CHD5: variants seen among roughly 807,000 people sequenced by gnomAD.
The protein encoded by CHD5 is chromodomain helicase DNA binding protein 5, also known as ATP-dependent chromatin remodeler CHD5.
In CHD5, 69 loss-of-function variants were observed where a neutral mutation model predicts 230.3. The observed-to-expected ratio is 0.30, with a 90% confidence interval of 0.25 to 0.37. The LOEUF (loss-of-function observed/expected upper bound fraction) is 0.37, where lower values mean the gene tolerates loss of function less well. Ranked by LOEUF, CHD5 falls within the 10% of genes least tolerant of loss-of-function variation. The pLI is 1.00. For synonymous variants in CHD5, 1,064 were observed against 1,065.9 expected (o/e 1.00, Z 0.03); for missense variants, 1,827 against 2,622.8 (o/e 0.70, Z 6.63).
chr1:6,177,543 C>A (rs1667445033), intron 1 of CHD5, among the ~76,000 whole-genome samples: 2 of 152,174 alleles, frequency 1.3e-5, no homozygotes, highest in South Asian at 4.1e-4. Flanking sequence ...AGCATGTAGT[C>A]CCAGCTACTA....
chr1:6,110,609 G>C, intron 36 of CHD5, 83 bp from the exon 37 acceptor site: 3 of 1,384,254 alleles, frequency 2.2e-6, no homozygotes, highest in Non-Finnish European at 9.9e-7. Flanking sequence ...AGGGGGAGGG[G>C]CCAGCCCGGG....
At chr1:6,152,130 A>G (rs894794523) in intron 6 of CHD5, among the ~76,000 whole-genome samples, 8 of 152,064 alleles carry the variant, frequency 5.3e-5, no homozygotes, top group Non-Finnish European at 1.2e-4. Context: ...AGGAGCCAGG[A>G]CTGAGCTCCC....
chr1:6,159,308 G>T (rs564008144), intron 3 of CHD5, 28 bp downstream of exon 3: 1 of 1,550,428 alleles, frequency 6.4e-7, no homozygotes, highest in African/African-American at 1.4e-5. Flanking sequence ...ATGTCGCTCT[G>T]TCCCCCCAGC....
chr1:6,143,997 C>A, intron 12 of CHD5, 27 bp downstream of exon 12: 1 of 1,614,094 alleles, frequency 6.2e-7, no homozygotes, highest in Admixed American at 1.7e-5. Context: ...GCAGCCTGTG[C>A]CTAGCAGCCG....
intron 36 of CHD5, among the ~76,000 whole-genome samples, chr1:6,111,039 G>C (rs1185969625): frequency 1.3e-5 from 2 of 148,510 alleles, no homozygotes; most frequent in African/African-American, 5.0e-5. Context: ...AGACCAGCCT[G>C]GCCAACAAGG....
chr1:6,125,671 G>A lies in CHD5; in HGVS notation c.4172-59C>T. 1.2e-6 allele frequency: 2 copies of A among 1,604,072 alleles called. No homozygotes were observed. Among genetic ancestry groups the A allele is most frequent in the East Asian group, 2.2e-5 (1 of 44,830 alleles). ...GAGCCCAGAGATTCCTGATCCCCAA[G>A]GACAGCGGGACCCCAGACCAGCCCC... On this transcript the variant is annotated intron_variant, in intron 27 of 41. Transcript: ENST00000262450. This position sits in a 1 kb window ranked among gnomAD's most constrained non-coding sequence, Gnocchi z 6.7.
At chr1:6,144,382 G>A (rs569448644) in intron 11 of CHD5, among the ~76,000 whole-genome samples, 1 of 152,308 alleles carries the variant, frequency 6.6e-6, no homozygotes, top group East Asian at 1.9e-4. Context: ...GAGGGACACG[G>A]AGGCCAGCTA....
rs1428242617 is a variant in CHD5, at chr1:6,130,618, G to A, written c.3263-290C>T. ...ACCCCAGATGAGCAAAAAACAAAGT[G>A]CAAGCCGCCAGCAAGTACAAGCAGA... On this transcript the variant is annotated intron_variant, in intron 21 of 41. Transcript: ENST00000262450. This position sits in a 1 kb window ranked among gnomAD's most constrained non-coding sequence, Gnocchi z 4.9. Among the ~76,000 whole-genome samples the A allele has an allele frequency of 6.6e-6, 1 of 152,158 alleles. No homozygotes were observed. Among genetic ancestry groups the A allele is most frequent in the Non-Finnish European group, 1.5e-5 (1 of 68,028 alleles).
chr1:6,107,823 T>G, intron 38 of CHD5, among the ~76,000 whole-genome samples: 1 of 97,324 alleles, frequency 1.0e-5, no homozygotes, highest in Non-Finnish European at 2.0e-5. Flanking sequence ...AATGGAGGGA[T>G]GGAGGGATGA....
At position 6,125,490 on chromosome 1, in the gene CHD5, G is replaced by C; in HGVS notation, c.4260+34C>G. 2 of 1,548,866 alleles carry C rather than the reference G, an allele frequency of 1.3e-6. No homozygotes were observed. The highest frequency in any genetic ancestry group is 1.7e-6 in the Non-Finnish European group (2 of 1,143,026). ...TACCCCAGGGGCAGCAGGAAGCAGG[G>C]GCAGAAAGAGATGCGGGAACAGACA... On this transcript the variant is annotated intron_variant, in intron 28 of 41. Coordinates refer to ENST00000262450, the MANE Select transcript of CHD5 (RefSeq NM_015557.3). The surrounding 1 kb of genome is among the most constrained non-coding windows in gnomAD (Gnocchi z 6.7).
Position 6,136,649 on chromosome 1 carries a change from G to T in CHD5, c.2575-11C>A, listed in dbSNP as rs771909781. ...TAAGACCCTAAAAAACTGAGGGGAG[G>T]AGAGTGGGGCCTGTCAGGGGGCTCT... On this transcript the variant is annotated splice_polypyrimidine_tract_variant and intron_variant, in intron 16 of 41. Transcript: ENST00000262450. 3.7e-6 allele frequency: 6 copies of T among 1,614,006 alleles called. No individual in the cohort carries two copies. Among genetic ancestry groups the T allele is most frequent in the Non-Finnish European group, 5.1e-6 (6 of 1,179,972 alleles).
chr1:6,136,462 C>A, intron 17 of CHD5, 55 bp downstream of exon 17: 2 of 1,600,372 alleles, frequency 1.2e-6, no homozygotes, highest in Non-Finnish European at 1.7e-6. Flanking sequence ...GATCCGTCTT[C>A]ACTGGGGCCA....
chr1:6,173,227 C>T (rs914837206), intron 1 of CHD5, among the ~76,000 whole-genome samples: 31 of 151,906 alleles, frequency 2.0e-4, no homozygotes, highest in African/African-American at 7.3e-4. Context: ...GCCTCAGCCT[C>T]CCAAGTAGCT....
chr1:6,156,535 C>CA (rs1225146962), intron 3 of CHD5, among the ~76,000 whole-genome samples: 1,771 of 63,380 alleles, frequency 0.028, 18 homozygotes, highest in Non-Finnish European at 0.038. Flanking sequence ...GATTCTGTCT[C>CA]AAAAAAAAAA....
chr1:6,108,684 A>AG (rs1666236986), intron 38 of CHD5, among the ~76,000 whole-genome samples: 1 of 137,560 alleles, frequency 7.3e-6, no homozygotes, highest in African/African-American at 2.8e-5. Flanking sequence ...GGAAGGATGG[A>AG]GGGGTGGAAG....
rs971172551 is a variant in CHD5, at chr1:6,155,481, G to C, written c.506+118C>G. On this transcript the variant is annotated intron_variant, in intron 4 of 41. Coordinates refer to ENST00000262450, the MANE Select transcript of CHD5 (RefSeq NM_015557.3). The surrounding 1 kb of genome is among the most constrained non-coding windows in gnomAD (Gnocchi z 4.0). Reference sequence around the variant, plus strand: ...TCCAGCTCCCCCAGGTTGCTCAGTCGGTCTGACAGAGCCCACCCCTACCCC... The same window carrying C: ...TCCAGCTCCCCCAGGTTGCTCAGTCCGTCTGACAGAGCCCACCCCTACCCC... 3 of 815,108 alleles carry C rather than the reference G, an allele frequency of 3.7e-6. No homozygotes were observed. The highest frequency in any genetic ancestry group is 6.1e-6 in the Non-Finnish European group (3 of 493,136). The allele number at this position is 815,108 out of a possible 1,614,324, so 50.5% of individuals were successfully genotyped here. A position where few individuals can be genotyped will look rare whatever the true frequency, so the allele number is the denominator to read the frequency against.
At chr1:6,177,295 T>TG (rs1302883232) in intron 1 of CHD5, among the ~76,000 whole-genome samples, 5 of 151,740 alleles carry the variant, frequency 3.3e-5, no homozygotes, top group Non-Finnish European at 5.9e-5. Context: ...TCAGGGTGAG[T>TG]GGGGGGCCAG....
At chr1:6,150,276 G>A (rs1666982170) in intron 7 of CHD5, among the ~76,000 whole-genome samples, 1 of 149,720 alleles carries the variant, frequency 6.7e-6, no homozygotes, top group African/African-American at 2.5e-5. Flanking sequence ...GATGGATGAT[G>A]GATGGATGGA....
rs946345838 is a variant in CHD5, at chr1:6,129,400, C to T, written c.3388-331G>A. ...GAAGCCACACAGAGCTTCGTGGGGG[C>T]CACGGGGAGGTAGGAGGCTGCATTT... On this transcript the variant is annotated intron_variant, in intron 22 of 41. Coordinates refer to ENST00000262450, the MANE Select transcript of CHD5 (RefSeq NM_015557.3). This position sits in a 1 kb window ranked among gnomAD's most constrained non-coding sequence, Gnocchi z 6.8. 6.6e-6 allele frequency among the ~76,000 whole-genome samples: 1 copy of T among 152,122 alleles called. No individual in the cohort carries two copies. Among genetic ancestry groups the T allele is most frequent in the South Asian group, 2.1e-4 (1 of 4,822 alleles).
Sources: gnomAD v4.1 joint callset for allele counts (sites outside exome capture counted in the v4.1 genomes callset) on GRCh38, gnomAD v4.1.1 for gene constraint, Gnocchi (gnomAD v3.1) non-coding constraint, MANE v1.5 for transcripts, NCBI Gene and HGNC (gene_info 2026-07-23, HGNC 2026-07-21) for gene names.